Variants in ASIC2 observed in about 807,000 individuals in gnomAD.
ASIC2 encodes acid-sensing ion channel 2.
Under a neutral mutation model 57.3 loss-of-function variants are expected in ASIC2, and 25 were observed. The observed-to-expected ratio is 0.44, with a 90% CI of 0.32 to 0.61. The LOEUF is 0.61. ASIC2 is among the 20% of genes least tolerant of loss of function. ASIC2 has a pLI of 0.06. For synonymous variants in ASIC2, 319 were observed against 307.5 expected (o/e 1.04, Z -0.39); for missense variants, 641 against 738.1 (o/e 0.87, Z 1.52).
chr17:33,025,782 G>T, intron 5 of ASIC2, 144 bp downstream of exon 5: 1 of 724,106 alleles, frequency 1.4e-6, no homozygotes, highest in Non-Finnish European at 2.1e-6. Context: ...CATCCCTGCA[G>T]CAACTCCACC....
intron 1 of ASIC2, among the ~76,000 whole-genome samples, chr17:33,223,002 G>A (rs1457744972): frequency 2.0e-5 from 3 of 151,832 alleles, no homozygotes; most frequent in Admixed American, 6.6e-5. Flanking sequence ...TTCACATCAG[G>A]GAGCCGGGTT....
At chr17:33,803,368 T>G (rs900116879) in intron 1 of ASIC2, among the ~76,000 whole-genome samples, 1 of 151,760 alleles carries the variant, frequency 6.6e-6, no homozygotes, top group African/African-American at 2.4e-5. Flanking sequence ...GGGGGTTTGG[T>G]TGGGGGAGAG....
intron 1 of ASIC2, among the ~76,000 whole-genome samples, chr17:33,975,787 T>G (rs190710461): frequency 3.3e-5 from 5 of 152,278 alleles, no homozygotes; most frequent in Admixed American, 3.3e-4. Context: ...CTCTTCCTTC[T>G]GTGCACCTCA....
chr17:33,821,060 T>G (rs1395148901), intron 1 of ASIC2, among the ~76,000 whole-genome samples: 1 of 152,178 alleles, frequency 6.6e-6, no homozygotes, highest in Non-Finnish European at 1.5e-5. Flanking sequence ...AGCACGCACT[T>G]TTTCTGATTT....
intron 1 of ASIC2, among the ~76,000 whole-genome samples, chr17:33,488,209 C>T (rs921631718): frequency 2.0e-5 from 3 of 152,078 alleles, no homozygotes; most frequent in Non-Finnish European, 4.4e-5. Context: ...CGTCACTCTC[C>T]CCCACCCTGT....
chr17:33,622,547 T>C (rs1345171620), intron 1 of ASIC2, among the ~76,000 whole-genome samples: 2 of 152,186 alleles, frequency 1.3e-5, no homozygotes, highest in Non-Finnish European at 1.5e-5. Flanking sequence ...GGTTTTGCTG[T>C]CAGACAGTCT....
intron 1 of ASIC2, among the ~76,000 whole-genome samples, chr17:33,485,717 A>G (rs1310329599): frequency 6.6e-6 from 1 of 152,198 alleles, no homozygotes; most frequent in Non-Finnish European, 1.5e-5. Flanking sequence ...AACTTGCTTC[A>G]ATCTGGGAGA....
At chr17:33,302,726 C>A (rs986825749) in intron 1 of ASIC2, among the ~76,000 whole-genome samples, 1 of 152,168 alleles carries the variant, frequency 6.6e-6, no homozygotes, top group South Asian at 2.1e-4. Flanking sequence ...TTAATATATT[C>A]TTCTGCAGTC....
At chr17:33,732,084 A>G (rs1329854851) in intron 1 of ASIC2, among the ~76,000 whole-genome samples, 2 of 152,260 alleles carry the variant, frequency 1.3e-5, no homozygotes, top group Non-Finnish European at 2.9e-5. Context: ...TTGAAAATAC[A>G]CATATCTTTG....
chr17:33,502,567 A>G (rs1317151345), intron 1 of ASIC2, among the ~76,000 whole-genome samples: 2 of 152,214 alleles, frequency 1.3e-5, no homozygotes, highest in African/African-American at 4.8e-5. Context: ...AGAATGGCAG[A>G]TTATAGCTGA....
At chr17:33,975,792 A>T (rs1302884849) in intron 1 of ASIC2, among the ~76,000 whole-genome samples, 1 of 151,636 alleles carries the variant, frequency 6.6e-6, no homozygotes, top group East Asian at 1.9e-4. Flanking sequence ...CCTTCTGTGC[A>T]CCTCACCTCT....
In ASIC2 at chr17:33,548,350, G is replaced by T. The variant is rs115770337; in HGVS notation, c.556-436283C>A. ...AATTGGCTACTAATTATCACATTTC[G>T]TTCCCCTTTATGGGCTAAAGATACG... is the stretch of plus-strand genomic sequence containing the variant. On this transcript the variant is annotated intron_variant, in intron 1 of 9. Coordinates refer to the ASIC2 transcript ENST00000359872. 1.7e-4 allele frequency among the ~76,000 whole-genome samples: 26 copies of T among 152,230 alleles called. 2 individuals carry two copies. The South Asian group carries it at 5.2e-3, about 30-fold the overall frequency.
At chr17:34,102,301 G>C (rs1910894192) in intron 1 of ASIC2, among the ~76,000 whole-genome samples, 1 of 152,076 alleles carries the variant, frequency 6.6e-6, no homozygotes, top group African/African-American at 2.4e-5. Context: ...CTGCACTCCA[G>C]CCTAGGTGAC....
chr17:33,799,423 C>CT (rs1230862422), intron 1 of ASIC2, among the ~76,000 whole-genome samples: 13 of 66,752 alleles, frequency 1.9e-4, no homozygotes, highest in African/African-American at 7.5e-4. Context: ...TTCTTTCTTT[C>CT]TTTCTTCTTT....
At chr17:34,051,546 C>T (rs776185604) in intron 1 of ASIC2, among the ~76,000 whole-genome samples, 4 of 152,146 alleles carry the variant, frequency 2.6e-5, no homozygotes, top group African/African-American at 9.7e-5. Context: ...TGTGCATATC[C>T]ACCCTTCTTA....
intron 1 of ASIC2, among the ~76,000 whole-genome samples, chr17:33,678,605 C>T (rs932551582): frequency 1.3e-5 from 2 of 152,118 alleles, no homozygotes; most frequent in Admixed American, 6.5e-5. Context: ...CCATATTCTC[C>T]CAAGACTGTC....
chr17:33,287,506 G>A (rs1905245353), intron 1 of ASIC2, among the ~76,000 whole-genome samples: 1 of 152,226 alleles, frequency 6.6e-6, no homozygotes, highest in Non-Finnish European at 1.5e-5. Context: ...AACCCCAGAA[G>A]GGCCAGAGTG....
rs80165905 is a variant in ASIC2 at position 33,484,237 on chromosome 17, C to T, written c.556-372170G>A. On this transcript the variant is annotated intron_variant, in intron 1 of 9. Coordinates refer to the ASIC2 transcript ENST00000359872. ...GCAGCAAAAGGAAACTAATATAGTCCGACACATTTTATTCATAAGTAAAAA... is the reference window on the plus strand; with the variant it reads ...GCAGCAAAAGGAAACTAATATAGTCTGACACATTTTATTCATAAGTAAAAA... 1.0e-3 allele frequency among the ~76,000 whole-genome samples: 157 copies of T among 152,212 alleles called. 2 individuals are homozygous for T. In the East Asian group the frequency reaches 0.015, roughly 15 times the overall value.
At chr17:33,086,359 G>A (rs1376395126) in intron 3 of ASIC2, among the ~76,000 whole-genome samples, 2 of 152,202 alleles carry the variant, frequency 1.3e-5, no homozygotes, top group Non-Finnish European at 2.9e-5. Flanking sequence ...GTCAACACAA[G>A]TAAGTAATTC....
Sources: gnomAD v4.1 joint callset for allele counts (sites outside exome capture counted in the v4.1 genomes callset) on GRCh38, gnomAD v4.1.1 for gene constraint, MANE v1.5 for transcripts, NCBI Gene and HGNC (gene_info 2026-07-23, HGNC 2026-07-21) for gene names.